Variants in ABCC3 observed in about 807,000 individuals in gnomAD.
ABCC3 encodes ATP-binding cassette sub-family C member 3.
A neutral mutation model predicts 165.3 loss-of-function variants in ABCC3; 121 were observed. The ratio of observed to expected loss-of-function variants is 0.73; its 90% CI spans 0.63 to 0.85. The LOEUF (loss-of-function observed/expected upper bound fraction) is 0.85, where lower values mean the gene tolerates loss of function less well. Among genes scored for constraint, ABCC3 ranks in the 40% least tolerant of loss-of-function variants. The pLI, the probability that ABCC3 is intolerant of heterozygous loss-of-function variation, is 0.00. For missense variants in ABCC3, 1,869 were observed against 1,964.1 expected, an observed-to-expected ratio of 0.95 and a Z score of 0.92; for synonymous variants, 733 against 810.1, an observed-to-expected ratio of 0.90 and a Z score of 1.62.
chr17:50,686,885 C>G (rs945681723), intron 29 of ABCC3, among the ~76,000 whole-genome samples: 6 of 152,132 alleles, frequency 3.9e-5, no homozygotes, highest in Non-Finnish European at 8.8e-5. Flanking sequence ...GGTATTTGTC[C>G]TTGGATGTGG....
chr17:50,691,025 C>G (rs1968113905), intron 30 of ABCC3, 67 bp from the exon 31 acceptor site: 2 of 1,270,882 alleles, frequency 1.6e-6, no homozygotes, highest in Non-Finnish European at 2.3e-6. Context: ...CCCAGAAGAG[C>G]AGGATTAGAC....
chr17:50,667,985 C>T lies in ABCC3; in HGVS notation c.1758C>T (p.Pro586=). 6.2e-7 allele frequency: 1 copy of T among 1,614,162 alleles called. No individual in the cohort carries two copies. The highest frequency in any genetic ancestry group is 8.5e-7 in the Non-Finnish European group (1 of 1,180,028). ...TAAGACTTCCCCTCAACATGCTGCC[C>T]CAGTTAATCAGCAACCTGACTCAGG... The part of the protein sequence containing the change: ...NILRLPLNML[P]QLISNLTQAS... The change falls in exon 13 of 31, where the codon CCC becomes CCT. Residue 586 remains proline, a synonymous_variant. Coordinates refer to ENST00000285238, the MANE Select transcript of ABCC3 (RefSeq NM_003786.4).
At chr17:50,673,161 G>A (rs748183522) in intron 18 of ABCC3, 23 bp downstream of exon 18, 3 of 1,612,452 alleles carry the variant, frequency 1.9e-6, no homozygotes, top group Non-Finnish European at 2.5e-6. Context: ...AGAGGCTAAG[G>A]GGGCTAAGGT....
At chr17:50,662,851 C>T (rs1301016229) in intron 8 of ABCC3, among the ~76,000 whole-genome samples, 3 of 151,868 alleles carry the variant, frequency 2.0e-5, no homozygotes, top group African/African-American at 4.8e-5. Context: ...TCCATGTAGT[C>T]GAGAGGAGAG....
chr17:50,687,287 C>T, intron 29 of ABCC3: 1 of 472,582 alleles, frequency 2.1e-6, no homozygotes, highest in East Asian at 3.2e-5. Context: ...GAGAGGAGGC[C>T]AAGGGTGCCA....
At chr17:50,648,850 C>G (rs1487978224) in intron 1 of ABCC3, among the ~76,000 whole-genome samples, 2 of 152,214 alleles carry the variant, frequency 1.3e-5, no homozygotes, top group African/African-American at 4.8e-5. Context: ...TGCAGTGACT[C>G]ACGCCTGTAA....
rs1385488652 is a variant in ABCC3, at chr17:50,664,007, CT to C, written c.1235del (p.Leu412ProfsTer37). The C allele has an allele frequency of 6.2e-7, 1 of 1,614,028 alleles. No individual in the cohort carries two copies. The highest frequency in any genetic ancestry group is 8.5e-7 in the Non-Finnish European group (1 of 1,179,996). ...RASTVGEIVN[L>X]MSVDAQRFMD... ...GTCCACTGTGGGGGAAATTGTCAAC[CT>C]CATGTCAGTGGATGCCCAGCGCTTC... On this transcript the variant is annotated frameshift_variant, in exon 10 of 31. Coordinates refer to ENST00000285238, the MANE Select transcript of ABCC3 (RefSeq NM_003786.4). LOFTEE classifies it high-confidence loss of function.
chr17:50,638,855 C>T (rs1456673997), intron 1 of ABCC3, among the ~76,000 whole-genome samples: 1 of 151,960 alleles, frequency 6.6e-6, no homozygotes, highest in Non-Finnish European at 1.5e-5. Context: ...CTTCTCTGGG[C>T]TCCAGCAGGG....
chr17:50,642,701 T>C (rs899224352), intron 1 of ABCC3, among the ~76,000 whole-genome samples: 1 of 152,168 alleles, frequency 6.6e-6, no homozygotes, highest in East Asian at 1.9e-4. Flanking sequence ...GCAGAAGCCA[T>C]CCTGGATTCT....
intron 7 of ABCC3, 113 bp downstream of exon 7, chr17:50,659,481 G>A: frequency 1.5e-6 from 2 of 1,314,670 alleles, no homozygotes; most frequent in Non-Finnish European, 2.1e-6. Flanking sequence ...AGCAGAGCAG[G>A]ACCAGGTGAT....
intron 17 of ABCC3, 122 bp from the exon 18 acceptor site, chr17:50,672,849 G>C (rs1306015530): frequency 2.4e-6 from 2 of 840,678 alleles, no homozygotes; most frequent in Non-Finnish European, 3.6e-6. Context: ...TCCAGCCTGG[G>C]TGAGTGAGAC....
In ABCC3 at chr17:50,683,954, G is replaced by T. The variant is rs766015552; in HGVS notation, c.3960G>T (p.Gly1320=). The T allele has an allele frequency of 3.7e-6, 6 of 1,613,116 alleles. 1 individual carries two copies. The South Asian group carries it at 6.6e-5, about 18-fold the overall frequency. The change falls in exon 28 of 31, where the codon GGG becomes GGT. Residue 1320 remains glycine (G), a synonymous_variant. Coordinates refer to ENST00000285238, the MANE Select transcript of ABCC3 (RefSeq NM_003786.4). ...CCCTTCCCTTCTCCGCCCAGGTGGG[G>T]ATCGTGGGCCGCACTGGGGCTGGCA... ...SLHVHGGEKV[G]IVGRTGAGKS...
rs1442130315 is a variant in ABCC3 at position 50,649,677 on chromosome 17, A to C, written c.46-6155A>C. Among the ~76,000 whole-genome samples the C allele has an allele frequency of 2.5e-5, 3 of 117,720 alleles. No homozygotes were observed. The South Asian group carries it at 9.6e-4, about 38-fold the overall frequency. 77.2% of individuals were successfully genotyped at this position (117,720 alleles called of 152,430 possible). A position where few individuals can be genotyped will look rare whatever the true frequency, so the allele number is the denominator to read the frequency against. On this transcript the variant is annotated intron_variant, in intron 1 of 30. Transcript: ENST00000285238. ...AAGGAAGGAAGGAAAGAAGGAAGGGAGGGAGGGAAGGGAAGGAGGGAGGGA... is the reference window on the plus strand; with the variant it reads ...AAGGAAGGAAGGAAAGAAGGAAGGGCGGGAGGGAAGGGAAGGAGGGAGGGA...
chr17:50,674,008 C>T (rs867203178), intron 19 of ABCC3, among the ~76,000 whole-genome samples: 811 of 16,910 alleles, frequency 0.048, 133 homozygotes, highest in Non-Finnish European at 0.059. Flanking sequence ...CTCTCTCTCT[C>T]TCTCTCTCTC....
rs79525224 is a variant in ABCC3, at chr17:50,641,525, A to C, written c.45+6544A>C. Among the ~76,000 whole-genome samples, 1,076 of 152,278 alleles carry C rather than the reference A, an allele frequency of 7.1e-3. 17 individuals are homozygous for C. The highest frequency in any genetic ancestry group is 0.025 in the African/African-American group (1,034 of 41,542). The stretch of plus-strand genomic sequence containing the variant: ...CTGTGGCCTTGGTACCAGGGAGAGA[A>C]CACTGTGTTCCTGGGCATGAAGCTG... On this transcript the variant is annotated intron_variant, in intron 1 of 30. Coordinates refer to ENST00000285238, the MANE Select transcript of ABCC3 (RefSeq NM_003786.4).
chr17:50,666,734 A>C (rs1025651464), intron 11 of ABCC3, among the ~76,000 whole-genome samples: 2 of 152,262 alleles, frequency 1.3e-5, no homozygotes, highest in East Asian at 3.8e-4. Flanking sequence ...ATGGCCTGGC[A>C]CATAGTAGGC....
chr17:50,677,735 C>T lies in ABCC3; in HGVS notation c.3379-9C>T. On this transcript the variant is annotated splice_polypyrimidine_tract_variant and intron_variant, in intron 23 of 30. Transcript: ENST00000285238. ...GGCCCTGACCCCAAACTCCTTCTCC[C>T]TCCATCAGCGCTTCTATGCAGCCAC... is the stretch of plus-strand genomic sequence containing the variant. The T allele has an allele frequency of 6.2e-7, 1 of 1,613,268 alleles. No individual in the cohort carries two copies. The highest frequency in any genetic ancestry group is 8.5e-7 in the Non-Finnish European group (1 of 1,179,414).
In ABCC3 at chr17:50,663,853, A is replaced by G; in HGVS notation, c.1171A>G (p.Arg391Gly). 1.2e-6 allele frequency: 2 copies of G among 1,614,172 alleles called. No homozygotes were observed. Among genetic ancestry groups the G allele is most frequent in the South Asian group, 2.2e-5 (2 of 91,080 alleles). The change falls in exon 9 of 31, where the codon AGG becomes GGG. Residue 391 changes from arginine to glycine, a missense_variant. Transcript: ENST00000285238. The part of the protein sequence containing the change: ...FRTGIMGVIY[R>G]KALVITNSVK... Reference sequence around the variant, plus strand: ...TACTGGGATCATGGGTGTCATCTACAGGAAGGTCAGCTGGAGCAGGGCCCA... The same window carrying G: ...TACTGGGATCATGGGTGTCATCTACGGGAAGGTCAGCTGGAGCAGGGCCCA...
chr17:50,687,332 A>T (rs1968040559), intron 29 of ABCC3: 5 of 568,712 alleles, frequency 8.8e-6, no homozygotes, highest in Non-Finnish European at 1.6e-5. Flanking sequence ...GCCTTTTAGC[A>T]CTGGCTCATT....
Sources: allele counts gnomAD v4.1 joint callset (sites outside exome capture counted in the v4.1 genomes callset), GRCh38; gene constraint gnomAD v4.1.1; transcripts MANE v1.5; gene names NCBI Gene and HGNC (gene_info 2026-07-23, HGNC 2026-07-21).